Variants in SLC22A15 observed in about 807,000 individuals in gnomAD.
SLC22A15 encodes solute carrier family 22 member 15, also known as flipt 1.
A neutral mutation model predicts 62.7 loss-of-function variants in SLC22A15; 45 were observed. The ratio of observed to expected loss-of-function variants is 0.72; its 90% CI spans 0.56 to 0.92. The LOEUF (loss-of-function observed/expected upper bound fraction) is 0.92, where lower values mean the gene tolerates loss of function less well. SLC22A15 is among the 40% of genes least tolerant of loss of function. SLC22A15 has a pLI of 0.00. For missense variants in SLC22A15, 622 were observed against 665.6 expected (o/e 0.93, Z 0.72); for synonymous variants, 264 against 267.0 (o/e 0.99, Z 0.11).
At chr1:116,019,547 C>A in intron 2 of SLC22A15, 35 bp from the exon 3 acceptor site, 1 of 1,559,082 alleles carries the variant, frequency 6.4e-7, no homozygotes. Flanking sequence ...CTAACTGAAT[C>A]CTACATGTCT....
intron 1 of SLC22A15, among the ~76,000 whole-genome samples, chr1:115,984,961 G>T (rs541092809): frequency 6.6e-6 from 1 of 152,290 alleles, no homozygotes; most frequent in Non-Finnish European, 1.5e-5. Context: ...AAGAGTCAAA[G>T]AGTTAAAACA....
At chr1:116,052,053 C>G (rs553179598) in intron 8 of SLC22A15, among the ~76,000 whole-genome samples, 3 of 152,276 alleles carry the variant, frequency 2.0e-5, no homozygotes, top group Admixed American at 6.5e-5. Context: ...ACAGTGGGCG[C>G]AGGACAGTGG....
intron 2 of SLC22A15, among the ~76,000 whole-genome samples, chr1:115,995,015 C>T (rs1455971502): frequency 2.0e-5 from 3 of 152,006 alleles, no homozygotes; most frequent in Admixed American, 6.6e-5. Flanking sequence ...TATTTTTAAG[C>T]ATCTATACCT....
chr1:115,997,038 C>G (rs1655464543), intron 2 of SLC22A15, among the ~76,000 whole-genome samples: 1 of 151,970 alleles, frequency 6.6e-6, no homozygotes, highest in Non-Finnish European at 1.5e-5. Flanking sequence ...ACATCCTTGC[C>G]TTGATTCTGA....
intron 8 of SLC22A15, among the ~76,000 whole-genome samples, chr1:116,061,978 G>A (rs1299870240): frequency 6.6e-6 from 1 of 152,148 alleles, no homozygotes. Context: ...GAAGGCTGAG[G>A]CAGGTGGATC....
At chr1:116,021,116 G>A (rs138521065) in intron 4 of SLC22A15, among the ~76,000 whole-genome samples, 104 of 152,272 alleles carry the variant, frequency 6.8e-4, no homozygotes, top group Admixed American at 1.8e-3. Flanking sequence ...CTTGCCATCC[G>A]CCTCATGGAC....
At chr1:116,010,489 A>T (rs1367410879) in intron 2 of SLC22A15, among the ~76,000 whole-genome samples, 7 of 152,146 alleles carry the variant, frequency 4.6e-5, no homozygotes, top group Non-Finnish European at 7.3e-5. Flanking sequence ...TTAAGTGGTA[A>T]TTCAGAGTGA....
intron 2 of SLC22A15, among the ~76,000 whole-genome samples, chr1:115,998,578 A>T (rs1178765960): frequency 6.6e-6 from 1 of 152,136 alleles, no homozygotes; most frequent in Non-Finnish European, 1.5e-5. Context: ...ATTGGCATAT[A>T]GTTGCTCATA....
chr1:116,055,027 T>C (rs1403489200), intron 8 of SLC22A15, among the ~76,000 whole-genome samples: 7 of 151,638 alleles, frequency 4.6e-5, no homozygotes, highest in Non-Finnish European at 7.4e-5. Flanking sequence ...ATTCAAAAGC[T>C]AGCAGAAGGC....
intron 8 of SLC22A15, among the ~76,000 whole-genome samples, chr1:116,040,804 A>T (rs1392992392): frequency 6.6e-6 from 1 of 152,076 alleles, no homozygotes; most frequent in Non-Finnish European, 1.5e-5. Flanking sequence ...TAAAAAGAAA[A>T]TTATTTTTGT....
chr1:116,041,897 G>C (rs1266883780), intron 8 of SLC22A15, among the ~76,000 whole-genome samples: 1 of 152,058 alleles, frequency 6.6e-6, no homozygotes, highest in Non-Finnish European at 1.5e-5. Flanking sequence ...GCAGAGCATT[G>C]GATAGAGACA....
chr1:116,014,213 A>C (rs1389021577), intron 2 of SLC22A15: 1 of 152,196 alleles, frequency 6.6e-6, no homozygotes, highest in Non-Finnish European at 1.5e-5. Context: ...TAGGAACTGG[A>C]AGGCACTGCA....
At chr1:116,014,958 A>C (rs1656451872) in intron 2 of SLC22A15, among the ~76,000 whole-genome samples, 1 of 152,180 alleles carries the variant, frequency 6.6e-6, no homozygotes, top group Admixed American at 6.5e-5. Flanking sequence ...ACGCCAGTAC[A>C]TTTTCTCAAA....
At chr1:116,038,321 T>A (rs1432466543) in intron 8 of SLC22A15, among the ~76,000 whole-genome samples, 1 of 152,198 alleles carries the variant, frequency 6.6e-6, no homozygotes, top group Non-Finnish European at 1.5e-5. Flanking sequence ...TCAGAGTATA[T>A]CAGGTATTAA....
intron 1 of SLC22A15, among the ~76,000 whole-genome samples, chr1:115,979,954 G>A (rs1654533089): frequency 6.6e-6 from 1 of 151,042 alleles, no homozygotes; most frequent in Non-Finnish European, 1.5e-5. Flanking sequence ...CTTAGATTCT[G>A]GTGTTCAGGA....
rs779957515 is a variant in SLC22A15, at chr1:116,037,317, G to A, written c.1100G>A (p.Arg367Gln). Reference protein sequence around the residue: ...LINQKWFGRKRTLSAFLCLGG... With the variant: ...LINQKWFGRKQTLSAFLCLGG... ...CTATTGTTTAGGTTTGGTCGGAAGC[G>A]AACATTATCAGCATTTCTGTGCCTA... Residue 367 changes from arginine to glutamine, a missense_variant, in exon 8 of 12, where the codon CGA (arginine) becomes CAA (glutamine). Transcript: ENST00000369503. The A allele has an allele frequency of 1.1e-5, 17 of 1,613,130 alleles. No homozygotes were observed. In the South Asian group the frequency reaches 1.3e-4, roughly 13 times the overall value.
chr1:116,029,669 G>A (rs764057134), intron 5 of SLC22A15, among the ~76,000 whole-genome samples: 9 of 152,068 alleles, frequency 5.9e-5, no homozygotes, highest in Non-Finnish European at 1.2e-4. Context: ...ACTCAGAGCC[G>A]AATTTCTAAA....
At chr1:116,015,359 G>A (rs749302470) in intron 2 of SLC22A15, 4 of 152,170 alleles carry the variant, frequency 2.6e-5, no homozygotes, top group Non-Finnish European at 5.9e-5. Flanking sequence ...TTGACATGAA[G>A]AAAAATTACT....
chr1:116,065,124 G>A (rs1385748793), intron 10 of SLC22A15, among the ~76,000 whole-genome samples: 1 of 151,930 alleles, frequency 6.6e-6, no homozygotes, highest in Non-Finnish European at 1.5e-5. Flanking sequence ...GAACCCAGGG[G>A]ACCCCTACGC....
Sources: gnomAD v4.1 joint callset for allele counts (sites outside exome capture counted in the v4.1 genomes callset) on GRCh38, gnomAD v4.1.1 for gene constraint, MANE v1.5 for transcripts, NCBI Gene and HGNC (gene_info 2026-07-23, HGNC 2026-07-21) for gene names.